Variants in ZCCHC7 observed in about 807,000 individuals in gnomAD.
The protein encoded by ZCCHC7 is zinc finger CCHC domain-containing protein 7.
In ZCCHC7, 35 loss-of-function variants were observed where a neutral mutation model predicts 52.0. The observed-to-expected ratio is 0.67, with a 90% CI of 0.51 to 0.89. ZCCHC7 has a LOEUF of 0.89. Ranked by LOEUF, ZCCHC7 falls within the 40% of genes least tolerant of loss-of-function variation. ZCCHC7 has a pLI of 0.00. For synonymous variants in ZCCHC7, 217 were observed against 221.5 expected, an observed-to-expected ratio of 0.98 and a Z score of 0.18; for missense variants, 574 against 649.1, an observed-to-expected ratio of 0.88 and a Z score of 1.26.
intron 2 of ZCCHC7, among the ~76,000 whole-genome samples, chr9:37,278,705 G>A (rs1298331840): frequency 6.6e-6 from 1 of 152,116 alleles, no homozygotes; most frequent in Admixed American, 6.5e-5. Context: ...AATAGTAACA[G>A]AAAGGAATAA....
chr9:37,248,053 G>C (rs1487044661), intron 2 of ZCCHC7, among the ~76,000 whole-genome samples: 1 of 151,642 alleles, frequency 6.6e-6, no homozygotes, highest in African/African-American at 2.4e-5. Context: ...CAAAAAAAAA[G>C]TTGTTTTTCA....
chr9:37,159,244 G>A (rs1411920721), intron 2 of ZCCHC7, among the ~76,000 whole-genome samples: 2 of 152,094 alleles, frequency 1.3e-5, no homozygotes, highest in Admixed American at 6.5e-5. Flanking sequence ...TTCAACTACA[G>A]TAACTTGATG....
chr9:37,300,060 A>G (rs956968832), intron 2 of ZCCHC7, among the ~76,000 whole-genome samples: 1 of 152,162 alleles, frequency 6.6e-6, no homozygotes, highest in Non-Finnish European at 1.5e-5. Flanking sequence ...GTAGTCTTGG[A>G]ACCAATCCCT....
chr9:37,249,456 CTTTT>C (rs60166399), intron 2 of ZCCHC7, among the ~76,000 whole-genome samples: 58 of 111,246 alleles, frequency 5.2e-4, no homozygotes, highest in Middle Eastern at 0.01. Flanking sequence ...CTTCTTCTTC[CTTTT>C]TTTTTTTTTT....
chr9:37,309,920 C>CAA (rs748775336), intron 5 of ZCCHC7, among the ~76,000 whole-genome samples: 6 of 85,082 alleles, frequency 7.1e-5, no homozygotes, highest in Admixed American at 2.5e-4. Context: ...AGACTGTTTC[C>CAA]AAAAAAAAAA....
intron 2 of ZCCHC7, among the ~76,000 whole-genome samples, chr9:37,251,457 C>G (rs1276660707): frequency 2.0e-5 from 3 of 151,816 alleles, no homozygotes; most frequent in Non-Finnish European, 2.9e-5. Flanking sequence ...TTTTCTTTAC[C>G]TCTCCCCTCC....
Position 37,126,321 on chromosome 9 carries a change from TACTG to T in ZCCHC7, c.-8_-5del. The stretch of plus-strand genomic sequence containing the variant: ...ACTTTCTCTTTTGCAGCTTCAAGGT[TACTG>T]ACTTTTTATGATGTTTGGTGGCTAT... On this transcript the variant is annotated 5_prime_UTR_variant, in exon 2 of 9. Coordinates refer to ENST00000336755, the MANE Select transcript of ZCCHC7 (RefSeq NM_032226.3). 2 of 1,603,994 alleles carry T rather than the reference TACTG, an allele frequency of 1.2e-6. No homozygotes were observed. The highest frequency in any genetic ancestry group is 1.7e-6 in the Non-Finnish European group (2 of 1,175,286).
At position 37,354,209 on chromosome 9, in the gene ZCCHC7, G is replaced by A. The variant is rs765248714; in HGVS notation, c.1084-501G>A. Among the ~76,000 whole-genome samples, 8 of 152,116 alleles carry A rather than the reference G, an allele frequency of 5.3e-5. No homozygotes were observed. Among genetic ancestry groups the A allele is most frequent in the Non-Finnish European group, 1.2e-4 (8 of 68,016 alleles). ...CCGTTAAGAATCACTACCCCTATAAGCAGTGAATGTTGAGTTAAAATAAGC... is the reference window on the plus strand; with the variant it reads ...CCGTTAAGAATCACTACCCCTATAAACAGTGAATGTTGAGTTAAAATAAGC... On this transcript the variant is annotated intron_variant, in intron 7 of 8. Transcript: ENST00000336755. The surrounding 1 kb of genome is among the most constrained non-coding windows in gnomAD (Gnocchi z 4.0).
At chr9:37,158,002 T>TA (rs1463380910) in intron 2 of ZCCHC7, among the ~76,000 whole-genome samples, 2 of 152,372 alleles carry the variant, frequency 1.3e-5, no homozygotes, top group East Asian at 1.9e-4. Context: ...CATGTTACGT[T>TA]AGAGTATATA....
At chr9:37,174,306 G>T (rs893834095) in intron 2 of ZCCHC7, among the ~76,000 whole-genome samples, 2 of 151,976 alleles carry the variant, frequency 1.3e-5, no homozygotes, top group Non-Finnish European at 2.9e-5. Flanking sequence ...ACAGAGCAAG[G>T]CCCTGTCTCA....
chr9:37,124,465 G>T (rs1032412020), intron 1 of ZCCHC7, among the ~76,000 whole-genome samples: 1 of 151,922 alleles, frequency 6.6e-6, no homozygotes, highest in Admixed American at 6.6e-5. Flanking sequence ...AACGTTTGTA[G>T]CTGACCCCGA....
At chr9:37,136,263 T>A (rs961102664) in intron 2 of ZCCHC7, among the ~76,000 whole-genome samples, 4 of 152,226 alleles carry the variant, frequency 2.6e-5, no homozygotes, top group Non-Finnish European at 5.9e-5. Flanking sequence ...ACTTTTTATT[T>A]TATTAAAGTC....
rs1295804662 is a variant in ZCCHC7, at chr9:37,126,974, TATC to T, written c.610+36_610+38del. ...ATCATATTGGCCATTTTGAAAGTAG[TATC>T]ATCTTTCATAAGGAGGACTGCTTTT... On this transcript the variant is annotated intron_variant, in intron 2 of 8. Transcript: ENST00000336755. 8 of 1,601,098 alleles carry T rather than the reference TATC, an allele frequency of 5.0e-6. No homozygotes were observed. In the South Asian group the frequency reaches 5.6e-5, roughly 11 times the overall value.
chr9:37,132,376 A>G (rs1842820204), intron 2 of ZCCHC7, among the ~76,000 whole-genome samples: 1 of 152,244 alleles, frequency 6.6e-6, no homozygotes, highest in Admixed American at 6.5e-5. Context: ...ATATAAAAAT[A>G]TACAAAAATA....
rs371803172 is a variant in ZCCHC7, at chr9:37,164,995, G to A, written c.610+38053G>A. 2.8e-3 allele frequency among the ~76,000 whole-genome samples: 433 copies of A among 152,282 alleles called. 2 individuals carry two copies. The highest frequency in any genetic ancestry group is 9.8e-3 in the African/African-American group (407 of 41,540). ...TTAAAAATATTTAGTATTCCAGATC[G>A]TGAACACGGTATATCTGTCTATTTA... On this transcript the variant is annotated intron_variant, in intron 2 of 8. Transcript: ENST00000336755.
chr9:37,213,756 AATTG>A, intron 2 of ZCCHC7, among the ~76,000 whole-genome samples: 1 of 152,134 alleles, frequency 6.6e-6, no homozygotes, highest in Non-Finnish European at 1.5e-5. Flanking sequence ...CTTATTGTAA[AATTG>A]ATTGTTTCTA....
At chr9:37,180,709 G>A (rs1189539342) in intron 2 of ZCCHC7, among the ~76,000 whole-genome samples, 1 of 152,074 alleles carries the variant, frequency 6.6e-6, no homozygotes, top group African/African-American at 2.4e-5. Context: ...GTTGTAATGG[G>A]TTTTGGCCAC....
intron 2 of ZCCHC7, among the ~76,000 whole-genome samples, chr9:37,170,471 G>A (rs1370012362): frequency 1.3e-5 from 2 of 152,156 alleles, no homozygotes; most frequent in Non-Finnish European, 1.5e-5. Flanking sequence ...TTTGGACTTA[G>A]GAAGGATAAC....
At chr9:37,329,767 G>A (rs766351178) in intron 6 of ZCCHC7, among the ~76,000 whole-genome samples, 1 of 151,784 alleles carries the variant, frequency 6.6e-6, no homozygotes, top group Non-Finnish European at 1.5e-5. Flanking sequence ...TTTACTAGGC[G>A]ATGGACTGCC....
Sources: allele counts gnomAD v4.1 joint callset (sites outside exome capture counted in the v4.1 genomes callset), GRCh38; gene constraint gnomAD v4.1.1; non-coding constraint Gnocchi (gnomAD v3.1); transcripts MANE v1.5; gene names NCBI Gene and HGNC (gene_info 2026-07-23, HGNC 2026-07-21).